The following PRUNE2 variants were observed in gnomAD, a reference collection of about 807,000 sequenced individuals.
PRUNE2 encodes the protein protein prune homolog 2.
A neutral mutation model predicts 252.0 loss-of-function variants in PRUNE2; 164 were observed. The observed-to-expected ratio is 0.65, with a 90% CI of 0.57 to 0.74. PRUNE2 has a LOEUF of 0.74. Among genes scored for constraint, PRUNE2 ranks in the 30% least tolerant of loss-of-function variants. The probability of loss-of-function intolerance (pLI) is 0.00; values close to 1 mark genes in which losing one functional copy is unlikely to be tolerated. For missense variants in PRUNE2, 3,495 were observed against 3,711.0 expected, an observed-to-expected ratio of 0.94 and a Z score of 1.51; for synonymous variants, 1,292 against 1,350.2, an observed-to-expected ratio of 0.96 and a Z score of 0.94.
chr9:76,806,657 A>G (rs556585563), intron 6 of PRUNE2, among the ~76,000 whole-genome samples: 18 of 147,958 alleles, frequency 1.2e-4, no homozygotes, highest in Middle Eastern at 3.6e-3. Context: ...ACAGGTGCCC[A>G]CCAACACGCC....
At position 76,638,301 on chromosome 9, in the gene PRUNE2, C is replaced by T. The variant is rs1422292685; in HGVS notation, c.8729-13G>A. 6.4e-7 allele frequency: 1 copy of T among 1,568,024 alleles called. No individual in the cohort carries two copies. Among genetic ancestry groups the T allele is most frequent in the Admixed American group, 1.7e-5 (1 of 59,746 alleles). ...TCCCCATAGTATCCTGGGGGACAAA[C>T]AAAAAGACACTTGTAACCAATTGAA... On this transcript the variant is annotated splice_polypyrimidine_tract_variant and intron_variant, in intron 12 of 18. Transcript: ENST00000376718.
intron 17 of PRUNE2, among the ~76,000 whole-genome samples, chr9:76,624,023 T>G (rs1341568939): frequency 2.0e-5 from 3 of 152,248 alleles, no homozygotes; most frequent in African/African-American, 7.2e-5. Context: ...TAAGTTGTTG[T>G]TTTAATTCAT....
chr9:76,868,487 G>T (rs1813123829), intron 1 of PRUNE2, among the ~76,000 whole-genome samples: 1 of 152,134 alleles, frequency 6.6e-6, no homozygotes, highest in South Asian at 2.1e-4. Flanking sequence ...GGTGCATACG[G>T]GAGGACCACG....
chr9:76,715,134 C>T (rs1257624101), intron 6 of PRUNE2, among the ~76,000 whole-genome samples: 2 of 152,212 alleles, frequency 1.3e-5, no homozygotes, highest in Non-Finnish European at 2.9e-5. Flanking sequence ...CACACATCTC[C>T]TAGGACAGCC....
At chr9:76,629,714 T>A (rs1169764756) in intron 15 of PRUNE2, among the ~76,000 whole-genome samples, 2 of 152,228 alleles carry the variant, frequency 1.3e-5, no homozygotes, top group East Asian at 3.9e-4. Flanking sequence ...AACTTATGCC[T>A]CTTAACCGAA....
At chr9:76,823,462 G>A (rs755765985) in intron 6 of PRUNE2, 170 bp downstream of exon 6, 17 of 607,974 alleles carry the variant, frequency 2.8e-5, no homozygotes, top group Non-Finnish European at 5.1e-5. Context: ...CATTGACTTA[G>A]CATAGTGTTT....
At position 76,827,247 on chromosome 9, in the gene PRUNE2, A is replaced by G. The variant is rs534869178; in HGVS notation, c.509-515T>C. Among the ~76,000 whole-genome samples the G allele has an allele frequency of 2.1e-4, 32 of 152,344 alleles. No homozygotes were observed. The South Asian group carries it at 6.2e-3, about 30-fold the overall frequency. ...AGCTGAGGAATCTGACAAGGTGGCT[A>G]ACCTGACGTCCATTTCTGATCTCCC... On this transcript the variant is annotated intron_variant, in intron 4 of 18. Transcript: ENST00000376718.
chr9:76,705,900 A>T lies in PRUNE2; in HGVS notation c.6374T>A (p.Met2125Lys). The T allele has an allele frequency of 6.2e-7, 1 of 1,613,958 alleles. No homozygotes were observed. The highest frequency in any genetic ancestry group is 1.7e-5 in the Admixed American group (1 of 60,020). Residue 2125 changes from methionine (M) to lysine (K), a missense_variant, in exon 8 of 19, where the codon ATG becomes AAG. By Grantham distance (95) the Met-to-Lys change is moderately conservative. Transcript: ENST00000376718. ...QETEKHLSAC[M>K]GPEVESSELC... ...CTCACTGGATTCCACTTCAGGTCCC[A>T]TGCAAGCACTGAGGTGCTTCTCAGT...
At chr9:76,904,591 C>T (rs952967133) in intron 1 of PRUNE2, among the ~76,000 whole-genome samples, 3 of 152,146 alleles carry the variant, frequency 2.0e-5, no homozygotes, top group Admixed American at 6.5e-5. Flanking sequence ...ATCAGAAATG[C>T]CAAATACTTA....
In PRUNE2 at chr9:76,709,124, C is replaced by T. The variant is rs2046525135; in HGVS notation, c.3150G>A (p.Leu1050=). 3 of 1,613,812 alleles carry T rather than the reference C, an allele frequency of 1.9e-6. No individual in the cohort carries two copies. The African/African-American group carries it at 4.0e-5, about 22-fold the overall frequency. The change falls in exon 8 of 19, where the codon CTG becomes CTA. Residue 1050 remains leucine, a synonymous_variant. Coordinates refer to ENST00000376718, the MANE Select transcript of PRUNE2 (RefSeq NM_015225.3). The stretch of plus-strand genomic sequence containing the variant: ...GCTCTGTCTTGAGTTCATTTTCATC[C>T]AGGTTGTGAGTGGTATTTATTTCAG... ...NSSEINTTHN[L]DENELKTEHT...
chr9:76,856,780 G>T (rs573254201), intron 1 of PRUNE2, among the ~76,000 whole-genome samples: 1 of 151,538 alleles, frequency 6.6e-6, no homozygotes, highest in Non-Finnish European at 1.5e-5. Flanking sequence ...CCAAGATGGA[G>T]TCTCGCTCTG....
intron 6 of PRUNE2, among the ~76,000 whole-genome samples, chr9:76,772,715 G>C (rs10869814): frequency 0.46 from 70,445 of 151,876 alleles, 16,653 homozygotes; most frequent in East Asian, 0.67. Context: ...AGGCACACAC[G>C]GCTGTATCCA....
At chr9:76,670,850 T>C (rs1339020968) in intron 9 of PRUNE2, among the ~76,000 whole-genome samples, 1 of 150,300 alleles carries the variant, frequency 6.7e-6, no homozygotes, top group Non-Finnish European at 1.5e-5. Context: ...TCCTCTCTGT[T>C]AGAAGGAAAA....
At chr9:76,731,235 AACACACACATAC>A (rs974075088) in intron 6 of PRUNE2, among the ~76,000 whole-genome samples, 3 of 151,440 alleles carry the variant, frequency 2.0e-5, no homozygotes, top group Non-Finnish European at 4.4e-5. Flanking sequence ...AATCAAGTTT[AACACACACATAC>A]ACACACACAC....
At chr9:76,659,415 T>A (rs1045895742) in intron 9 of PRUNE2, among the ~76,000 whole-genome samples, 1 of 152,228 alleles carries the variant, frequency 6.6e-6, no homozygotes, top group African/African-American at 2.4e-5. Flanking sequence ...AGACACTGAA[T>A]GCTTTTAAAT....
rs55702049 is a variant in PRUNE2 at position 76,897,390 on chromosome 9, CTTTTTTTTTT to C, written c.36+8528_36+8537del. Among the ~76,000 whole-genome samples, 28 of 56,298 alleles carry C rather than the reference CTTTTTTTTTT, an allele frequency of 5.0e-4. 1 individual carries two copies. The highest frequency in any genetic ancestry group is 1.4e-3 in the African/African-American group (23 of 16,566). 36.9% of individuals were successfully genotyped at this position (56,298 alleles called of 152,430 possible). On this transcript the variant is annotated intron_variant, in intron 1 of 18. Coordinates refer to ENST00000376718, the MANE Select transcript of PRUNE2 (RefSeq NM_015225.3). ...TGGCTATGCAACCTTAGGCAAACCT[CTTTTTTTTTT>C]TTTTTTTTTTTTTTTTTTTTTTTTT...
At chr9:76,747,217 G>A (rs941227098) in intron 6 of PRUNE2, among the ~76,000 whole-genome samples, 3 of 152,120 alleles carry the variant, frequency 2.0e-5, no homozygotes, top group African/African-American at 7.2e-5. Context: ...GAGGTGTTGT[G>A]GTGTCTAAGA....
At chr9:76,840,807 C>T (rs549637930) in intron 4 of PRUNE2, among the ~76,000 whole-genome samples, 5 of 152,130 alleles carry the variant, frequency 3.3e-5, no homozygotes, top group African/African-American at 1.2e-4. Context: ...ATGGCGAAAC[C>T]CAGTCTCTGC....
intron 6 of PRUNE2, among the ~76,000 whole-genome samples, chr9:76,725,080 G>A (rs1420893185): frequency 6.6e-6 from 1 of 152,108 alleles, no homozygotes; most frequent in Non-Finnish European, 1.5e-5. Flanking sequence ...CCATGAGCCT[G>A]AACACTGACA....
Sources: allele counts gnomAD v4.1 joint callset (sites outside exome capture counted in the v4.1 genomes callset), GRCh38; gene constraint gnomAD v4.1.1; transcripts MANE v1.5; gene names NCBI Gene and HGNC (gene_info 2026-07-23, HGNC 2026-07-21).